Variants in DPYD observed in about 807,000 individuals in gnomAD.
The protein encoded by DPYD is dihydropyrimidine dehydrogenase [NADP(+)].
A neutral mutation model predicts 116.2 loss-of-function variants in DPYD; 109 were observed. That is an observed-to-expected ratio of 0.94 (90% CI 0.80 to 1.10). The LOEUF (loss-of-function observed/expected upper bound fraction) is 1.10. Among genes scored for constraint, DPYD ranks in the 50% least tolerant of loss-of-function variants. The probability of loss-of-function intolerance (pLI) is 0.00; values close to 1 mark genes in which losing one functional copy is unlikely to be tolerated. For missense variants in DPYD, 1,302 were observed against 1,254.5 expected (o/e 1.04, Z -0.57); for synonymous variants, 440 against 432.0 (o/e 1.02, Z -0.23).
intron 20 of DPYD, among the ~76,000 whole-genome samples, chr1:97,099,749 G>C (rs764500450): frequency 7.2e-5 from 11 of 152,024 alleles, no homozygotes; most frequent in Non-Finnish European, 1.6e-4. Flanking sequence ...AATCACACTT[G>C]TTTCAAAACA....
rs561615118 is a variant in DPYD, at chr1:97,551,640, T to A, written c.1340-1896A>T. Among the ~76,000 whole-genome samples, 4 of 152,236 alleles carry A rather than the reference T, an allele frequency of 2.6e-5. No homozygotes were observed. In the South Asian group the frequency reaches 8.3e-4, roughly 32 times the overall value. ...ATTTATCTCATGTTTCACAGCAATA[T>A]CCTTGAAATTTAAGTAGAGATTTCA... On this transcript the variant is annotated intron_variant, in intron 11 of 22. Transcript: ENST00000370192.
chr1:97,365,737 C>T (rs1670999044), intron 16 of DPYD, among the ~76,000 whole-genome samples: 1 of 152,118 alleles, frequency 6.6e-6, no homozygotes, highest in Non-Finnish European at 1.5e-5. Flanking sequence ...AAGTGATCCT[C>T]CCACCTCAGT....
In DPYD at chr1:97,581,326, CAAAAAAAAAAAAA is replaced by C. The variant is rs1161399547; in HGVS notation, c.1129-7369_1129-7357del. 5.7e-3 allele frequency among the ~76,000 whole-genome samples: 382 copies of C among 66,606 alleles called. 2 individuals are homozygous for C. Among genetic ancestry groups the C allele is most frequent in the South Asian group, 8.2e-3 (9 of 1,096 alleles). The allele number at this position is 66,606 out of a possible 152,430, so 43.7% of individuals were successfully genotyped here. A position where few individuals can be genotyped will look rare whatever the true frequency, so the allele number is the denominator to read the frequency against. The stretch of plus-strand genomic sequence containing the variant: ...TGGGCGACAGAGCGAGACTCAGTCT[CAAAAAAAAAAAAA>C]AAAAAAAAAAAAAAAATTGGCCAAG... On this transcript the variant is annotated intron_variant, in intron 10 of 22. Coordinates refer to ENST00000370192, the MANE Select transcript of DPYD (RefSeq NM_000110.4).
intron 13 of DPYD, among the ~76,000 whole-genome samples, chr1:97,463,430 T>C (rs1010967293): frequency 3.9e-5 from 6 of 152,204 alleles, no homozygotes; most frequent in Non-Finnish European, 8.8e-5. Flanking sequence ...TAAACCTCAT[T>C]ATTTTGTAAA....
Position 97,323,581 on chromosome 1 carries a change from ATAT to A in DPYD, c.2059-17287_2059-17285del, listed in dbSNP as rs1373608053. ...TGTGTATATATACACGTATATATAC[ATAT>A]CATATATACATATATGTGTATATAT... On this transcript the variant is annotated intron_variant, in intron 16 of 22. Coordinates refer to ENST00000370192, the MANE Select transcript of DPYD (RefSeq NM_000110.4). Among the ~76,000 whole-genome samples, 28 of 96,058 alleles carry A rather than the reference ATAT, an allele frequency of 2.9e-4. 1 individual carries two copies. In the East Asian group the frequency reaches 6.4e-3, roughly 22 times the overall value. The allele number at this position is 96,058 out of a possible 152,430, so 63.0% of individuals were successfully genotyped here.
chr1:97,593,291 A>C lies in DPYD; in HGVS notation c.1055T>G (p.Leu352Arg). ...DTAFDCATSALRCGARRVFIV... is the reference protein window; with the variant it reads ...DTAFDCATSARRCGARRVFIV... Reference sequence around the variant, plus strand: ...GAACACACGGCGAGCTCCACAACGTAGAGCAGATGTTGCACAGTCAAAGGC... The same window carrying C: ...GAACACACGGCGAGCTCCACAACGTCGAGCAGATGTTGCACAGTCAAAGGC... Residue 352 changes from leucine to arginine, a missense_variant, in exon 10 of 23, where the codon CTA becomes CGA. Physicochemically the swap from Leu to Arg is moderately radical, Grantham distance 102 (BLOSUM62 -2). Coordinates refer to ENST00000370192, the MANE Select transcript of DPYD (RefSeq NM_000110.4). 6.2e-7 allele frequency: 1 copy of C among 1,614,182 alleles called. No homozygotes were observed. Among genetic ancestry groups the C allele is most frequent in the Non-Finnish European group, 8.5e-7 (1 of 1,180,016 alleles).
chr1:97,287,254 C>T lies in DPYD; in HGVS notation c.2299+18005G>A, dbSNP rs182698493. Among the ~76,000 whole-genome samples the T allele has an allele frequency of 7.0e-3, 1,071 of 152,236 alleles. 22 individuals are homozygous for T. Among genetic ancestry groups the T allele is most frequent in the African/African-American group, 0.024 (1,005 of 41,538 alleles). ...CGCAGAACAGCGGATTTTCATGAAC[C>T]ACGAATGCTGCTGTCTGATCGTTCC... On this transcript the variant is annotated intron_variant, in intron 18 of 22. Coordinates refer to ENST00000370192, the MANE Select transcript of DPYD (RefSeq NM_000110.4).
At chr1:97,753,384 G>C (rs1393053807) in intron 3 of DPYD, among the ~76,000 whole-genome samples, 1 of 152,078 alleles carries the variant, frequency 6.6e-6, no homozygotes, top group African/African-American at 2.4e-5. Flanking sequence ...ACAGAGTATG[G>C]TGACATCAAG....
At position 97,587,668 on chromosome 1, in the gene DPYD, A is replaced by G. The variant is rs567774310; in HGVS notation, c.1128+5550T>C. On this transcript the variant is annotated intron_variant, in intron 10 of 22. Coordinates refer to ENST00000370192, the MANE Select transcript of DPYD (RefSeq NM_000110.4). ...GTGAAACCCCGTTTCGAACTTAAAAATACAAAAAATTAGACGGGCATGGTG... is the reference window on the plus strand; with the variant it reads ...GTGAAACCCCGTTTCGAACTTAAAAGTACAAAAAATTAGACGGGCATGGTG... Among the ~76,000 whole-genome samples, 22 of 151,982 alleles carry G rather than the reference A, an allele frequency of 1.4e-4. No individual in the cohort carries two copies. The East Asian group carries it at 4.1e-3, about 28-fold the overall frequency.
intron 2 of DPYD, among the ~76,000 whole-genome samples, chr1:97,881,435 G>A (rs1477081779): frequency 1.3e-5 from 2 of 151,940 alleles, no homozygotes; most frequent in Non-Finnish European, 2.9e-5. Context: ...TGTAGCATCC[G>A]TAGGTATAAA....
chr1:97,634,545 A>G (rs1293172199), intron 8 of DPYD, among the ~76,000 whole-genome samples: 2 of 152,132 alleles, frequency 1.3e-5, no homozygotes, highest in African/African-American at 4.8e-5. Flanking sequence ...AACTAAAAAG[A>G]TAATTCTTAC....
At chr1:97,337,740 G>A (rs562600384) in intron 16 of DPYD, among the ~76,000 whole-genome samples, 5 of 150,890 alleles carry the variant, frequency 3.3e-5, no homozygotes, top group South Asian at 2.1e-4. Flanking sequence ...TTTTTAAAAA[G>A]CTGTATTTCC....
chr1:97,498,042 T>A (rs1679366530), intron 13 of DPYD, among the ~76,000 whole-genome samples: 2 of 151,816 alleles, frequency 1.3e-5, no homozygotes, highest in African/African-American at 2.4e-5. Flanking sequence ...TTATACTAAA[T>A]ACATAAAAGA....
intron 20 of DPYD, among the ~76,000 whole-genome samples, chr1:97,154,521 T>C (rs1409771751): frequency 2.7e-5 from 4 of 148,190 alleles, no homozygotes; most frequent in Non-Finnish European, 4.5e-5. Context: ...CTTTGGGAGG[T>C]TGAGGTGGGT....
At chr1:97,579,809 T>A (rs1011999390) in intron 10 of DPYD, among the ~76,000 whole-genome samples, 1 of 152,220 alleles carries the variant, frequency 6.6e-6, no homozygotes, top group Non-Finnish European at 1.5e-5. Flanking sequence ...AGTAAGCAGC[T>A]ATAAGGGTCC....
At chr1:97,275,619 T>G (rs949662386) in intron 18 of DPYD, among the ~76,000 whole-genome samples, 9 of 152,200 alleles carry the variant, frequency 5.9e-5, no homozygotes, top group African/African-American at 2.2e-4. Context: ...AATTGAGGTG[T>G]TTGAATATAT....
At chr1:97,884,453 C>T (rs1672384572) in intron 1 of DPYD, among the ~76,000 whole-genome samples, 1 of 152,096 alleles carries the variant, frequency 6.6e-6, no homozygotes, top group African/African-American at 2.4e-5. Flanking sequence ...AGAACTTTCA[C>T]ATGGAAGAGA....
intron 20 of DPYD, among the ~76,000 whole-genome samples, chr1:97,189,112 G>A (rs1252059962): frequency 6.6e-6 from 1 of 151,998 alleles, no homozygotes. Context: ...CATTTATTAA[G>A]GCATTACCAT....
chr1:97,805,605 G>C (rs527741085), intron 3 of DPYD, among the ~76,000 whole-genome samples: 2 of 151,694 alleles, frequency 1.3e-5, no homozygotes, highest in Non-Finnish European at 2.9e-5. Context: ...GGAGGCCAGT[G>C]AATGTTCTCT....
Sources: allele counts gnomAD v4.1 joint callset (sites outside exome capture counted in the v4.1 genomes callset), GRCh38; gene constraint gnomAD v4.1.1; transcripts MANE v1.5; gene names NCBI Gene and HGNC (gene_info 2026-07-23, HGNC 2026-07-21).